ZNF280D: variants seen among roughly 807,000 people sequenced by gnomAD.
The protein encoded by ZNF280D is suppressor of hairy wing homolog 4.
ZNF280D carries 39 observed loss-of-function variants against 94.7 expected under a neutral mutation model. That is an observed-to-expected ratio of 0.41 (90% CI 0.32 to 0.54). ZNF280D has a LOEUF of 0.54. Ranked by LOEUF, ZNF280D falls within the 20% of genes least tolerant of loss-of-function variation. The pLI, the probability that ZNF280D is intolerant of heterozygous loss-of-function variation, is 0.22. For synonymous variants in ZNF280D, 398 were observed against 377.6 expected, an observed-to-expected ratio of 1.05 and a Z score of -0.63; for missense variants, 1,090 against 1,149.3, an observed-to-expected ratio of 0.95 and a Z score of 0.75.
intron 1 of ZNF280D, among the ~76,000 whole-genome samples, chr15:56,722,206 C>T (rs1287652173): frequency 6.6e-6 from 1 of 152,100 alleles, no homozygotes; most frequent in African/African-American, 2.4e-5. Flanking sequence ...ACAATAGTAA[C>T]ATTAAAGATC....
intron 20 of ZNF280D, among the ~76,000 whole-genome samples, chr15:56,636,700 T>C (rs1256898856): frequency 6.6e-6 from 1 of 152,086 alleles, no homozygotes; most frequent in East Asian, 1.9e-4. Context: ...GCCAGGCTGG[T>C]CTCAGACTCC....
intron 9 of ZNF280D, among the ~76,000 whole-genome samples, chr15:56,686,331 G>A (rs753531397): frequency 5.3e-4 from 81 of 152,126 alleles, no homozygotes; most frequent in Non-Finnish European, 1.0e-3. Context: ...TAGAGATGGG[G>A]TTTCACTATG....
At chr15:56,632,667 T>C (rs1316444769) in intron 21 of ZNF280D, among the ~76,000 whole-genome samples, 1 of 151,690 alleles carries the variant, frequency 6.6e-6, no homozygotes, top group Non-Finnish European at 1.5e-5. Flanking sequence ...AGCTATTTTT[T>C]TTATATTTCA....
chr15:56,733,318 C>G (rs929543662), intron 1 of ZNF280D, 140 bp downstream of exon 1: 1 of 358,788 alleles, frequency 2.8e-6, no homozygotes, highest in Non-Finnish European at 3.9e-6. Context: ...GTCTCCTCCC[C>G]CGCGCTCTGG....
At position 56,631,347 on chromosome 15, in the gene ZNF280D, A is replaced by G. The variant is rs2052060580; in HGVS notation, c.*151T>C. ...TATTATTGGTGAATTGATTTGTTTG[A>G]TAACATAGGTTGAACATACAGGTAA... On this transcript the variant is annotated 3_prime_UTR_variant, in exon 22 of 22. Transcript: ENST00000267807. 7 of 798,576 alleles carry G rather than the reference A, an allele frequency of 8.8e-6. No individual in the cohort carries two copies. Among genetic ancestry groups the G allele is most frequent in the Non-Finnish European group, 1.4e-5 (7 of 511,858 alleles). 49.5% of individuals were successfully genotyped at this position (798,576 alleles called of 1,614,324 possible). A position where few individuals can be genotyped will look rare whatever the true frequency, so the allele number is the denominator to read the frequency against.
intron 21 of ZNF280D, 127 bp downstream of exon 21, chr15:56,635,068 A>G: frequency 4.6e-6 from 2 of 436,282 alleles, no homozygotes; most frequent in Non-Finnish European, 8.0e-6. Context: ...ATTAAGAGCC[A>G]TTACAGAAAA....
intron 1 of ZNF280D, chr15:56,732,515 T>C (rs1350806948): frequency 6.6e-6 from 1 of 152,192 alleles, no homozygotes; most frequent in East Asian, 1.9e-4. Flanking sequence ...AAAACTGTCC[T>C]TCTAGCGTTC....
At chr15:56,639,300 A>G (rs2052509928) in intron 20 of ZNF280D, among the ~76,000 whole-genome samples, 1 of 151,752 alleles carries the variant, frequency 6.6e-6, no homozygotes, top group African/African-American at 2.4e-5. Context: ...AAAAAAAAAA[A>G]AGGAGTTGAT....
intron 1 of ZNF280D, among the ~76,000 whole-genome samples, chr15:56,718,488 G>C (rs562760587): frequency 6.6e-6 from 1 of 152,128 alleles, no homozygotes; most frequent in Non-Finnish European, 1.5e-5. Context: ...TAACATTTTT[G>C]TAAATGCAAA....
intron 20 of ZNF280D, among the ~76,000 whole-genome samples, chr15:56,642,057 T>C (rs2052655726): frequency 6.6e-6 from 1 of 151,576 alleles, no homozygotes; most frequent in Non-Finnish European, 1.5e-5. Context: ...CAATAAGGGA[T>C]ACTATAAGCA....
In ZNF280D at chr15:56,733,506, AGAG is replaced by A. The variant is rs760978735; in HGVS notation, c.-137_-135del. Reference sequence around the variant, plus strand: ...ACTGGAGCCCTGAGGAGGAGGAGAAAGAGGAGGAGGAAAAGGAGGAGCACGAAA... The same window carrying A: ...ACTGGAGCCCTGAGGAGGAGGAGAAAGAGGAGGAAAAGGAGGAGCACGAAA... On this transcript the variant is annotated 5_prime_UTR_variant, in exon 1 of 22. Coordinates refer to ENST00000267807, the MANE Select transcript of ZNF280D (RefSeq NM_017661.4). 15 of 1,147,018 alleles carry A rather than the reference AGAG, an allele frequency of 1.3e-5. No homozygotes were observed. The highest frequency in any genetic ancestry group is 1.6e-5 in the Non-Finnish European group (15 of 920,718). 71.1% of individuals were successfully genotyped at this position (1,147,018 alleles called of 1,614,324 possible).
chr15:56,675,744 C>A (rs1324820745), intron 13 of ZNF280D, among the ~76,000 whole-genome samples: 1 of 151,938 alleles, frequency 6.6e-6, no homozygotes, highest in African/African-American at 2.4e-5. Flanking sequence ...ACTTAACTAA[C>A]AACTGAAAAT....
chr15:56,690,750 G>C (rs1244978068), intron 7 of ZNF280D, among the ~76,000 whole-genome samples: 1 of 152,128 alleles, frequency 6.6e-6, no homozygotes, highest in Non-Finnish European at 1.5e-5. Context: ...TTGTAAAAGA[G>C]ATTCTAAATC....
chr15:56,700,649 T>G, intron 6 of ZNF280D: 1 of 1,368,592 alleles, frequency 7.3e-7, no homozygotes. Flanking sequence ...ATGCAATATT[T>G]ATGGCTGACT....
chr15:56,699,568 G>A (rs1260932456), intron 6 of ZNF280D: 35 of 816,202 alleles, frequency 4.3e-5, no homozygotes, highest in Non-Finnish European at 4.9e-5. Context: ...ATTTTGATAT[G>A]TACTTGGAGA....
intron 19 of ZNF280D, among the ~76,000 whole-genome samples, chr15:56,651,867 C>A (rs185157640): frequency 6.6e-6 from 1 of 152,040 alleles, no homozygotes; most frequent in Non-Finnish European, 1.5e-5. Context: ...ATTGACTGTA[C>A]TCCTACATTA....
chr15:56,688,915 AT>A lies in ZNF280D; in HGVS notation c.780+125del. On this transcript the variant is annotated intron_variant, in intron 9 of 21. Transcript: ENST00000267807. The stretch of plus-strand genomic sequence containing the variant: ...ATCTATATAATCATTATGAATGTAA[AT>A]TTTTATTTAAATTAAATGGAAATAC... 3 of 566,294 alleles carry A rather than the reference AT, an allele frequency of 5.3e-6. No individual in the cohort carries two copies. The South Asian group carries it at 1.2e-4, about 22-fold the overall frequency. 35.1% of individuals were successfully genotyped at this position (566,294 alleles called of 1,614,324 possible).
intron 16 of ZNF280D, among the ~76,000 whole-genome samples, chr15:56,659,807 A>T (rs1281007158): frequency 2.0e-5 from 3 of 152,058 alleles, no homozygotes; most frequent in Admixed American, 2.0e-4. Flanking sequence ...CACACGCTAA[A>T]GTTTAAGAAA....
chr15:56,645,533 C>A (rs973792955), intron 19 of ZNF280D, among the ~76,000 whole-genome samples: 2 of 152,090 alleles, frequency 1.3e-5, no homozygotes, highest in Non-Finnish European at 2.9e-5. Context: ...GTCTTAGGAG[C>A]AATCCATACA....
Sources: allele counts gnomAD v4.1 joint callset (sites outside exome capture counted in the v4.1 genomes callset), GRCh38; gene constraint gnomAD v4.1.1; transcripts MANE v1.5; gene names NCBI Gene and HGNC (gene_info 2026-07-23, HGNC 2026-07-21).